The following NPAS3 variants were observed in gnomAD, a reference collection of about 807,000 sequenced individuals.
NPAS3 encodes neuronal PAS domain-containing protein 3.
A neutral mutation model predicts 73.1 loss-of-function variants in NPAS3; 14 were observed. The ratio of observed to expected loss-of-function variants is 0.19; its 90% CI spans 0.13 to 0.30. The LOEUF (loss-of-function observed/expected upper bound fraction) is 0.30, where lower values mean the gene tolerates loss of function less well. NPAS3 is among the 10% of genes least tolerant of loss of function. The probability of loss-of-function intolerance (pLI) is 1.00; values close to 1 mark genes in which losing one functional copy is unlikely to be tolerated. For missense variants in NPAS3, 1,096 were observed against 1,250.0 expected (o/e 0.88, Z 1.86); for synonymous variants, 620 against 541.5 (o/e 1.14, Z -2.01).
At chr14:33,351,637 G>A (rs2045059561) in intron 3 of NPAS3, among the ~76,000 whole-genome samples, 1 of 152,168 alleles carries the variant, frequency 6.6e-6, no homozygotes, top group South Asian at 2.1e-4. Context: ...GCTTCTTTTT[G>A]TGTACTCTCA....
intron 3 of NPAS3, among the ~76,000 whole-genome samples, chr14:33,231,142 AC>A (rs1272042243): frequency 6.6e-6 from 1 of 152,208 alleles, no homozygotes; most frequent in Non-Finnish European, 1.5e-5. Flanking sequence ...GGGTTACTAC[AC>A]TTTGTGAAAT....
intron 4 of NPAS3, among the ~76,000 whole-genome samples, chr14:33,398,472 A>T (rs1215131059): frequency 1.3e-5 from 2 of 151,916 alleles, no homozygotes; most frequent in African/African-American, 2.4e-5. Context: ...TACTTCCCCA[A>T]ATCTCATCAC....
intron 2 of NPAS3, among the ~76,000 whole-genome samples, chr14:33,113,213 T>A (rs1173447222): frequency 3.3e-5 from 5 of 152,176 alleles, no homozygotes; most frequent in Non-Finnish European, 5.9e-5. Flanking sequence ...AGAAAGTCAT[T>A]GGTAGCTTGA....
rs1229086608 is a variant in NPAS3 at position 33,052,049 on chromosome 14, G to A, written c.51-3856G>A. 5.9e-5 allele frequency among the ~76,000 whole-genome samples: 9 copies of A among 152,238 alleles called. No individual in the cohort carries two copies. In the East Asian group the frequency reaches 7.7e-4, roughly 13 times the overall value. On this transcript the variant is annotated intron_variant, in intron 1 of 11. Transcript: ENST00000356141. Reference sequence around the variant, plus strand: ...GCTGGGATTACAGGTGTGAGCCACCGTGCCTGGCCATGAATTACATTTTAA... The same window carrying A: ...GCTGGGATTACAGGTGTGAGCCACCATGCCTGGCCATGAATTACATTTTAA...
intron 10 of NPAS3, 102 bp downstream of exon 10, chr14:33,794,146 G>T: frequency 9.8e-7 from 1 of 1,024,158 alleles, no homozygotes; most frequent in South Asian, 1.5e-5. Flanking sequence ...ATTATCTTTT[G>T]ACAGTACCTG....
intron 4 of NPAS3, among the ~76,000 whole-genome samples, chr14:33,530,969 T>G (rs963032043): frequency 6.6e-6 from 1 of 152,086 alleles, no homozygotes; most frequent in Non-Finnish European, 1.5e-5. Context: ...ATGGGAAATA[T>G]TCTCTGTATG....
intron 2 of NPAS3, among the ~76,000 whole-genome samples, chr14:33,186,625 C>G (rs1411218259): frequency 6.6e-6 from 1 of 152,202 alleles, no homozygotes; most frequent in Non-Finnish European, 1.5e-5. Flanking sequence ...TTTTCTGTCT[C>G]AGTGCATGGT....
rs1166810372 is a variant in NPAS3 at position 33,644,435 on chromosome 14, TTGGCCAGCCATTGGGTATGATGACACAAG to T, written c.559-31774_559-31746del. ...CAACACAGCACATTGCCTTTCTCAT[TTGGCCAGCCATTGGGTATGATGACACAAG>T]TCAGAACCATGCCTTGGGATTTTCC... On this transcript the variant is annotated intron_variant, in intron 5 of 11. Coordinates refer to ENST00000356141, the Ensembl canonical transcript of NPAS3. Among the ~76,000 whole-genome samples, 6 of 152,346 alleles carry T rather than the reference TTGGCCAGCCATTGGGTATGATGACACAAG, an allele frequency of 3.9e-5. No individual in the cohort carries two copies. The East Asian group carries it at 7.7e-4, about 20-fold the overall frequency.
At chr14:33,590,493 T>A (rs1400573460) in intron 5 of NPAS3, among the ~76,000 whole-genome samples, 1 of 152,166 alleles carries the variant, frequency 6.6e-6, no homozygotes, top group Non-Finnish European at 1.5e-5. Flanking sequence ...TGGTTGAGGC[T>A]TTCAGAGAAG....
intron 2 of NPAS3, among the ~76,000 whole-genome samples, chr14:33,168,928 C>T (rs1241680540): frequency 2.0e-5 from 3 of 152,170 alleles, no homozygotes; most frequent in Non-Finnish European, 4.4e-5. Context: ...GTTGAAGATA[C>T]ATTGTAATAT....
chr14:33,311,776 A>C (rs2043012777), intron 3 of NPAS3, among the ~76,000 whole-genome samples: 1 of 152,152 alleles, frequency 6.6e-6, no homozygotes, highest in Admixed American at 6.6e-5. Context: ...ATTAATACCT[A>C]TGGGTGATAC....
rs2047171978 is a variant in NPAS3, at chr14:33,215,112, A to G, written c.141-70A>G. On this transcript the variant is annotated intron_variant, in intron 2 of 11. Transcript: ENST00000356141. ...TTTGGTGGGAAAAAAGGAAATACAAAGAAAGCAGTATTTGAATGATGACAG... is the reference window on the plus strand; with the variant it reads ...TTTGGTGGGAAAAAAGGAAATACAAGGAAAGCAGTATTTGAATGATGACAG... 2.7e-6 allele frequency: 4 copies of G among 1,468,786 alleles called. No homozygotes were observed. In the African/African-American group the frequency reaches 4.2e-5, roughly 16 times the overall value. The allele number at this position is 1,468,786 out of a possible 1,614,324, so 91.0% of individuals were successfully genotyped here.
At chr14:33,490,115 C>T (rs955077578) in intron 4 of NPAS3, among the ~76,000 whole-genome samples, 1 of 152,094 alleles carries the variant, frequency 6.6e-6, no homozygotes, top group African/African-American at 2.4e-5. Flanking sequence ...AGTTAGAGTA[C>T]TAAGAGGTTT....
At chr14:33,629,627 A>C (rs532463104) in intron 5 of NPAS3, among the ~76,000 whole-genome samples, 1 of 151,390 alleles carries the variant, frequency 6.6e-6, no homozygotes, top group African/African-American at 2.4e-5. Context: ...CATTTTCTCC[A>C]GAGGAAAGAG....
intron 5 of NPAS3, among the ~76,000 whole-genome samples, chr14:33,588,240 C>G (rs2056937051): frequency 6.6e-6 from 1 of 152,150 alleles, no homozygotes; most frequent in Non-Finnish European, 1.5e-5. Flanking sequence ...TCTTTTGCCA[C>G]TGATGTAGCC....
At chr14:33,443,198 A>T (rs1468470998) in intron 4 of NPAS3, among the ~76,000 whole-genome samples, 1 of 152,082 alleles carries the variant, frequency 6.6e-6, no homozygotes, top group African/African-American at 2.4e-5. Context: ...CTCAATTTCA[A>T]GTCTATCGAA....
chr14:33,586,421 AAAG>A (rs1374480954), intron 5 of NPAS3, among the ~76,000 whole-genome samples: 4 of 152,110 alleles, frequency 2.6e-5, no homozygotes, highest in African/African-American at 9.7e-5. Context: ...ATAAAAGATA[AAAG>A]AAGAATATAA....
At chr14:33,429,117 TG>T (rs1252193786) in intron 4 of NPAS3, among the ~76,000 whole-genome samples, 2 of 152,092 alleles carry the variant, frequency 1.3e-5, no homozygotes, top group Non-Finnish European at 2.9e-5. Context: ...CATGTAGAAG[TG>T]GATGAAATGA....
chr14:33,593,258 A>G (rs2057131043), intron 5 of NPAS3, among the ~76,000 whole-genome samples: 1 of 152,192 alleles, frequency 6.6e-6, no homozygotes, highest in African/African-American at 2.4e-5. Flanking sequence ...GCGGAGCTGA[A>G]GAAATTAAGG....
Sources: gnomAD v4.1 joint callset for allele counts (sites outside exome capture counted in the v4.1 genomes callset) on GRCh38, gnomAD v4.1.1 for gene constraint, MANE v1.5 for transcripts, NCBI Gene and HGNC (gene_info 2026-07-23, HGNC 2026-07-21) for gene names.